Variants in RGS7 observed in about 807,000 individuals in gnomAD.
RGS7 encodes the protein regulator of G protein signaling 7, also known as regulator of G-protein signaling 7.
In RGS7, 27 loss-of-function variants were observed where a neutral mutation model predicts 81.1. That is an observed-to-expected ratio of 0.33 (90% CI 0.25 to 0.46). The LOEUF is 0.46. Among genes scored for constraint, RGS7 ranks in the 20% least tolerant of loss-of-function variants. The pLI is 1.00. For synonymous variants in RGS7, 208 were observed against 207.7 expected (o/e 1.00, Z -0.01); for missense variants, 396 against 607.4 (o/e 0.65, Z 3.66).
chr1:241,176,844 C>T (rs1483404986), intron 2 of RGS7, among the ~76,000 whole-genome samples: 1 of 152,130 alleles, frequency 6.6e-6, no homozygotes, highest in Non-Finnish European at 1.5e-5. Context: ...CTGCTTTCCT[C>T]CTCAGAAATA....
At chr1:241,097,952 C>T (rs946903219) in intron 3 of RGS7, among the ~76,000 whole-genome samples, 3 of 152,174 alleles carry the variant, frequency 2.0e-5, no homozygotes, top group African/African-American at 4.8e-5. Flanking sequence ...TAAACCCTCA[C>T]GCTCTTTCCT....
At chr1:240,864,633 T>C (rs984581912) in intron 9 of RGS7, among the ~76,000 whole-genome samples, 1 of 152,140 alleles carries the variant, frequency 6.6e-6, no homozygotes, top group African/African-American at 2.4e-5. Context: ...AATGCAAGCA[T>C]ACAGGAAATA....
intron 2 of RGS7, among the ~76,000 whole-genome samples, chr1:241,240,421 T>A (rs1212976058): frequency 6.6e-6 from 1 of 152,200 alleles, no homozygotes; most frequent in Admixed American, 6.5e-5. Context: ...GCTGGAAAGT[T>A]TATCCTTTAA....
intron 2 of RGS7, among the ~76,000 whole-genome samples, chr1:241,176,961 A>C (rs112920869): frequency 1.2e-3 from 176 of 152,232 alleles, no homozygotes; most frequent in African/African-American, 4.1e-3. Flanking sequence ...CAAAGTGAAA[A>C]ACTGAAGCGG....
intron 2 of RGS7, among the ~76,000 whole-genome samples, chr1:241,327,134 GAAAGAAAGAAAGGAAA>G (rs764372934): frequency 0.023 from 2,275 of 99,526 alleles, 37 homozygotes; most frequent in Non-Finnish European, 0.036. Flanking sequence ...AAGAAAGAAA[GAAAGAAAGAAAGGAAA>G]GAAAGAAAGA....
In RGS7 at chr1:241,092,861, GA is replaced by G. The variant is rs35614786; in HGVS notation, c.175+5804del. ...CTTAAAAGAACAACAATAAAAGATA[GA>G]AAAAAAAAACAATTAGAAGACAAAG... On this transcript the variant is annotated intron_variant, in intron 3 of 18. Transcript: ENST00000440928. 1.0e-3 allele frequency among the ~76,000 whole-genome samples: 148 copies of G among 144,554 alleles called. 1 individual carries two copies. In the South Asian group the frequency reaches 0.016, roughly 15 times the overall value. 94.8% of individuals were successfully genotyped at this position (144,554 alleles called of 152,430 possible).
At chr1:241,090,253 A>G (rs2063792145) in intron 3 of RGS7, among the ~76,000 whole-genome samples, 1 of 152,130 alleles carries the variant, frequency 6.6e-6, no homozygotes, top group African/African-American at 2.4e-5. Context: ...ACAAGCATAC[A>G]TGGTCCAAGC....
chr1:241,093,047 A>G (rs563432820), intron 3 of RGS7, among the ~76,000 whole-genome samples: 31 of 152,300 alleles, frequency 2.0e-4, no homozygotes, highest in African/African-American at 7.5e-4. Context: ...ATCTTCAAAG[A>G]CACAATTTTT....
chr1:241,077,075 T>C (rs1265645454), intron 3 of RGS7, among the ~76,000 whole-genome samples: 1 of 152,184 alleles, frequency 6.6e-6, no homozygotes, highest in African/African-American at 2.4e-5. Flanking sequence ...TTTTTATCAC[T>C]TGAGTGCTAT....
intron 2 of RGS7, among the ~76,000 whole-genome samples, chr1:241,228,076 G>A (rs996817890): frequency 4.6e-5 from 7 of 152,188 alleles, no homozygotes; most frequent in African/African-American, 1.7e-4. Flanking sequence ...CATGGGGCTT[G>A]TGCTTGATTC....
chr1:240,846,109 G>C (rs1187899864), intron 9 of RGS7, among the ~76,000 whole-genome samples: 1 of 152,130 alleles, frequency 6.6e-6, no homozygotes, highest in Non-Finnish European at 1.5e-5. Flanking sequence ...CTGTGTTCCT[G>C]GTACTTGACT....
chr1:241,312,179 G>A (rs1399380570), intron 2 of RGS7, among the ~76,000 whole-genome samples: 1 of 152,126 alleles, frequency 6.6e-6, no homozygotes, highest in African/African-American at 2.4e-5. Flanking sequence ...AATATTTATT[G>A]CACATTTGTA....
At chr1:241,041,823 C>G (rs1348003846) in intron 3 of RGS7, among the ~76,000 whole-genome samples, 3 of 151,550 alleles carry the variant, frequency 2.0e-5, no homozygotes, top group African/African-American at 4.9e-5. Context: ...TAACTCAGTA[C>G]TACCTTTGGT....
rs540360323 is a variant in RGS7, at chr1:240,834,713, G to A, written c.610-7541C>T. Among the ~76,000 whole-genome samples the A allele has an allele frequency of 3.4e-3, 511 of 151,876 alleles. 3 individuals carry two copies. The highest frequency in any genetic ancestry group is 0.012 in the African/African-American group (500 of 41,418). On this transcript the variant is annotated intron_variant, in intron 9 of 18. Transcript: ENST00000440928. Reference sequence around the variant, plus strand: ...TTTTTAGTAGAGACGGGGTTTCACCGTGTTAGCCAGGATGGTCTCCATCTC... The same window carrying A: ...TTTTTAGTAGAGACGGGGTTTCACCATGTTAGCCAGGATGGTCTCCATCTC...
chr1:240,935,078 T>C (rs575381872), intron 5 of RGS7, among the ~76,000 whole-genome samples: 46 of 151,418 alleles, frequency 3.0e-4, no homozygotes, highest in Middle Eastern at 3.4e-3. Context: ...GTTTTTTTTT[T>C]AGTAGAGATG....
intron 3 of RGS7, among the ~76,000 whole-genome samples, chr1:241,030,237 C>T (rs2059999054): frequency 6.6e-6 from 1 of 151,772 alleles, no homozygotes; most frequent in African/African-American, 2.4e-5. Context: ...TTTTCTTTTA[C>T]ATCAGCCGTG....
intron 3 of RGS7, among the ~76,000 whole-genome samples, chr1:241,092,760 A>ATTTATTCCTTACC (rs2063969747): frequency 2.0e-5 from 3 of 152,134 alleles, no homozygotes; most frequent in Admixed American, 2.0e-4. Flanking sequence ...CACTTCTCAG[A>ATTTATTCCTTACC]TGCCTCTTCA....
chr1:240,955,652 T>C (rs1680286551), intron 4 of RGS7, among the ~76,000 whole-genome samples: 1 of 151,586 alleles, frequency 6.6e-6, no homozygotes, highest in Non-Finnish European at 1.5e-5. Flanking sequence ...CAGTGAGTAC[T>C]GGAAAAAGAA....
At chr1:241,297,639 C>T (rs947224988) in intron 2 of RGS7, among the ~76,000 whole-genome samples, 1 of 151,524 alleles carries the variant, frequency 6.6e-6, no homozygotes, top group Non-Finnish European at 1.5e-5. Flanking sequence ...AATGACATAA[C>T]GAAGCTTGGG....
Sources: gnomAD v4.1 joint callset for allele counts (sites outside exome capture counted in the v4.1 genomes callset) on GRCh38, gnomAD v4.1.1 for gene constraint, MANE v1.5 for transcripts, NCBI Gene and HGNC (gene_info 2026-07-23, HGNC 2026-07-21) for gene names.